RFPL1: variants seen among roughly 807,000 people sequenced by gnomAD.
RFPL1 encodes the protein ret finger protein-like 1.
In RFPL1, 6 loss-of-function variants were observed where a neutral mutation model predicts 9.6. That is an observed-to-expected ratio of 0.62 (90% CI 0.34 to 1.23). The LOEUF (loss-of-function observed/expected upper bound fraction) is 1.23. RFPL1 is among the 50% of genes most tolerant of loss of function. The probability of loss-of-function intolerance (pLI) is 0.03; values close to 1 mark genes in which losing one functional copy is unlikely to be tolerated. For missense variants in RFPL1, 352 were observed against 398.4 expected, an observed-to-expected ratio of 0.88 and a Z score of 0.99; for synonymous variants, 145 against 149.4, an observed-to-expected ratio of 0.97 and a Z score of 0.22.
chr22:29,427,595 T>C, the RFPL1 span, among the ~76,000 whole-genome samples: 1 of 152,320 alleles, frequency 6.6e-6, no homozygotes. Context: ...GGAATCCCAC[T>C]GGGCCCAATC....
At chr22:29,410,815 G>C in the RFPL1 span, among the ~76,000 whole-genome samples, 1 of 151,254 alleles carries the variant, frequency 6.6e-6, no homozygotes, top group Non-Finnish European at 1.5e-5. Flanking sequence ...ACCACACCCA[G>C]CTCAAATCAT....
At chr22:29,401,276 C>A in the RFPL1 span, among the ~76,000 whole-genome samples, 1 of 152,280 alleles carries the variant, frequency 6.6e-6, no homozygotes, top group Non-Finnish European at 1.5e-5. Flanking sequence ...TTGTCATATT[C>A]TTAGTATGTA....
At chr22:29,420,536 G>T in the RFPL1 span, among the ~76,000 whole-genome samples, 1 of 150,630 alleles carries the variant, frequency 6.6e-6, no homozygotes, top group African/African-American at 2.4e-5. Flanking sequence ...TCACCATGTT[G>T]GCCAGGCTGG....
the RFPL1 span, among the ~76,000 whole-genome samples, chr22:29,427,785 G>T: frequency 6.6e-6 from 1 of 152,128 alleles, no homozygotes; most frequent in South Asian, 2.1e-4. Context: ...TGCCATGTTG[G>T]CCTCTGATGA....
intron 1 of RFPL1, 77 bp downstream of exon 1, chr22:29,439,241 C>T (rs919388939): frequency 5.1e-5 from 78 of 1,527,674 alleles, no homozygotes; most frequent in Non-Finnish European, 6.8e-5. Flanking sequence ...CCCCTCATTC[C>T]ATATGGGGAT....
At chr22:29,416,323 G>C in the RFPL1 span, among the ~76,000 whole-genome samples, 1 of 149,764 alleles carries the variant, frequency 6.7e-6, no homozygotes, top group Non-Finnish European at 1.5e-5. Context: ...GGAGTCAGGG[G>C]TTCAGCTTTC....
chr22:29,418,751 G>T, the RFPL1 span, among the ~76,000 whole-genome samples: 5 of 152,074 alleles, frequency 3.3e-5, no homozygotes, highest in African/African-American at 1.2e-4. Flanking sequence ...GCCCACCTGG[G>T]CCTCCCCAAG....
At chr22:29,416,604 T>A in the RFPL1 span, among the ~76,000 whole-genome samples, 32 of 152,300 alleles carry the variant, frequency 2.1e-4, no homozygotes, top group Middle Eastern at 3.4e-3. Flanking sequence ...GGCCCCTTAC[T>A]TTGGGCTGCT....
At chr22:29,435,528 A>G (rs2062804526), upstream of RFPL1, among the ~76,000 whole-genome samples, 1 of 152,190 alleles carries the variant, frequency 6.6e-6, no homozygotes, top group Non-Finnish European at 1.5e-5. Flanking sequence ...TCCAGCAGAG[A>G]GCAAACCCCA....
chr22:29,414,711 A>T, the RFPL1 span, among the ~76,000 whole-genome samples: 1 of 152,054 alleles, frequency 6.6e-6, no homozygotes, highest in Non-Finnish European at 1.5e-5. Context: ...CTGTTAGGAA[A>T]TCTGCTGGGT....
At chr22:29,388,160 G>T in the RFPL1 span, among the ~76,000 whole-genome samples, 1 of 152,362 alleles carries the variant, frequency 6.6e-6, no homozygotes, top group African/African-American at 2.4e-5. Context: ...GGAATTCCTC[G>T]GGGCCTAAGT....
chr22:29,432,634 C>T, the RFPL1 span, among the ~76,000 whole-genome samples: 4 of 152,160 alleles, frequency 2.6e-5, no homozygotes, highest in African/African-American at 7.2e-5. Context: ...ATCCCAATTC[C>T]AATAAGCCCC....
upstream of RFPL1, chr22:29,434,361 C>G (rs2062798813): frequency 6.6e-6 from 1 of 152,526 alleles, no homozygotes; most frequent in African/African-American, 2.4e-5. Flanking sequence ...CTATTTCAAT[C>G]TTCTCTAAGA....
At chr22:29,437,619 C>T, upstream of RFPL1, 3 of 1,589,942 alleles carry the variant, frequency 1.9e-6, no homozygotes, top group Middle Eastern at 2.0e-4. Context: ...AGGGCATGAC[C>T]CAGTGGGAGG....
chr22:29,426,070 C>T, the RFPL1 span, among the ~76,000 whole-genome samples: 1 of 151,802 alleles, frequency 6.6e-6, no homozygotes, highest in Non-Finnish European at 1.5e-5. Context: ...TGTCTGTAAT[C>T]CCAGTACCTT....
the RFPL1 span, among the ~76,000 whole-genome samples, chr22:29,414,482 G>A: frequency 1.3e-5 from 2 of 152,018 alleles, no homozygotes; most frequent in Admixed American, 6.6e-5. Context: ...TCCTGGTTCT[G>A]TAAGTACTTC....
chr22:29,391,141 CA>C, the RFPL1 span, among the ~76,000 whole-genome samples: 1 of 150,494 alleles, frequency 6.6e-6, no homozygotes, highest in Non-Finnish European at 1.5e-5. Context: ...GACTCTGTCT[CA>C]AAAAAAATAA....
the RFPL1 span, among the ~76,000 whole-genome samples, chr22:29,432,051 C>G: frequency 6.6e-6 from 1 of 152,020 alleles, no homozygotes; most frequent in Non-Finnish European, 1.5e-5. Context: ...AAATCCAGTG[C>G]GCATTTTACA....
exon 1 of RFPL1, chr22:29,438,888 C>A: frequency 6.2e-7 from 1 of 1,614,022 alleles, no homozygotes; most frequent in Non-Finnish European, 8.5e-7. Flanking sequence ...CATGGCTGCA[C>A]TCTTCCAAGA....
Sources: gnomAD v4.1 joint callset for allele counts (sites outside exome capture counted in the v4.1 genomes callset) on GRCh38, gnomAD v4.1.1 for gene constraint, MANE v1.5 for transcripts, NCBI Gene and HGNC (gene_info 2026-07-23, HGNC 2026-07-21) for gene names.